SH3GL2: variants seen among roughly 807,000 people sequenced by gnomAD.
The protein encoded by SH3GL2 is endophilin-A1.
In SH3GL2, 24 loss-of-function variants were observed where a neutral mutation model predicts 46.0. The ratio of observed to expected loss-of-function variants is 0.52; its 90% CI spans 0.38 to 0.73. The LOEUF (loss-of-function observed/expected upper bound fraction) is 0.73. SH3GL2 is among the 30% of genes least tolerant of loss of function. The pLI is 0.00. For synonymous variants in SH3GL2, 196 were observed against 147.1 expected, an observed-to-expected ratio of 1.33 and a Z score of -2.40; for missense variants, 413 against 424.2, an observed-to-expected ratio of 0.97 and a Z score of 0.23.
chr9:17,639,910 T>C (rs1819634679), intron 1 of SH3GL2, among the ~76,000 whole-genome samples: 1 of 152,184 alleles, frequency 6.6e-6, no homozygotes, highest in African/African-American at 2.4e-5. Flanking sequence ...TTTCATTATA[T>C]GAAAATTGAA....
chr9:17,660,612 G>C lies in SH3GL2; in HGVS notation c.45+81325G>C, dbSNP rs149630312. Among the ~76,000 whole-genome samples, 99 of 152,256 alleles carry C rather than the reference G, an allele frequency of 6.5e-4. 1 individual carries two copies. The highest frequency in any genetic ancestry group is 2.3e-3 in the African/African-American group (95 of 41,548). The stretch of plus-strand genomic sequence containing the variant: ...TCCAAATGATTTCAGCCCTGAACTA[G>C]AAAGTTCTGTCTCAGTGGGCTGTAT... On this transcript the variant is annotated intron_variant, in intron 1 of 8. Transcript: ENST00000380607.
chr9:17,746,820 T>G (rs1268757350), intron 1 of SH3GL2, among the ~76,000 whole-genome samples: 2 of 152,200 alleles, frequency 1.3e-5, no homozygotes, highest in Non-Finnish European at 2.9e-5. Context: ...GAAGGAGCAC[T>G]GAGGTTGAAA....
intron 1 of SH3GL2, among the ~76,000 whole-genome samples, chr9:17,675,158 G>A (rs147286545): frequency 6.6e-6 from 1 of 152,264 alleles, no homozygotes; most frequent in South Asian, 2.1e-4. Flanking sequence ...AACTTCGTAT[G>A]TCTTATTTCC....
At chr9:17,619,277 T>C (rs944920625) in intron 1 of SH3GL2, among the ~76,000 whole-genome samples, 1 of 152,186 alleles carries the variant, frequency 6.6e-6, no homozygotes, top group African/African-American at 2.4e-5. Context: ...TGTATTTCCT[T>C]ATAGCCTTCT....
intron 3 of SH3GL2, among the ~76,000 whole-genome samples, chr9:17,783,453 A>T (rs1190021091): frequency 6.6e-6 from 1 of 151,432 alleles, no homozygotes; most frequent in Non-Finnish European, 1.5e-5. Context: ...GGTCAGAGGA[A>T]AATAACTCAG....
At chr9:17,657,377 C>G (rs923663222) in intron 1 of SH3GL2, among the ~76,000 whole-genome samples, 1 of 152,170 alleles carries the variant, frequency 6.6e-6, no homozygotes, top group Non-Finnish European at 1.5e-5. Context: ...GGCAGGTTGT[C>G]TTCTAGGTCA....
chr9:17,757,884 A>G (rs1823045574), intron 2 of SH3GL2, among the ~76,000 whole-genome samples: 1 of 152,322 alleles, frequency 6.6e-6, no homozygotes. Flanking sequence ...TGCCAAGTGC[A>G]TAACAAGGCA....
At chr9:17,714,028 G>GT (rs1271080033) in intron 1 of SH3GL2, among the ~76,000 whole-genome samples, 2 of 151,552 alleles carry the variant, frequency 1.3e-5, no homozygotes, top group Non-Finnish European at 3.0e-5. Flanking sequence ...GTATTTCTGT[G>GT]TTTTTGCTTC....
chr9:17,718,706 G>C (rs1205377990), intron 1 of SH3GL2, among the ~76,000 whole-genome samples: 1 of 152,080 alleles, frequency 6.6e-6, no homozygotes, highest in East Asian at 1.9e-4. Context: ...CTCCAGCCTG[G>C]GTGACAGAGT....
chr9:17,692,861 C>T (rs1436697967), intron 1 of SH3GL2, among the ~76,000 whole-genome samples: 3 of 152,086 alleles, frequency 2.0e-5, no homozygotes, highest in Admixed American at 6.5e-5. Context: ...AAAGGCACTT[C>T]TAACATGGTG....
intron 1 of SH3GL2, among the ~76,000 whole-genome samples, chr9:17,650,115 A>G (rs1819919860): frequency 6.6e-6 from 1 of 152,226 alleles, no homozygotes. Flanking sequence ...TCACTTAAGA[A>G]CAGCAGTTGA....
At chr9:17,651,362 T>C (rs1819955271) in intron 1 of SH3GL2, among the ~76,000 whole-genome samples, 1 of 152,198 alleles carries the variant, frequency 6.6e-6, no homozygotes. Flanking sequence ...TCTGCATTTA[T>C]TTAGGGAATT....
chr9:17,593,666 G>A, intron 1 of SH3GL2, among the ~76,000 whole-genome samples: 1 of 152,224 alleles, frequency 6.6e-6, no homozygotes, highest in East Asian at 1.9e-4. Context: ...GCCTGTAATG[G>A]GGTATTTAAT....
chr9:17,625,763 G>C (rs1330290679), intron 1 of SH3GL2, among the ~76,000 whole-genome samples: 2 of 152,120 alleles, frequency 1.3e-5, no homozygotes, highest in African/African-American at 4.8e-5. Flanking sequence ...GGTAGGAGGT[G>C]GGGTAGATTT....
intron 1 of SH3GL2, among the ~76,000 whole-genome samples, chr9:17,626,500 G>A (rs1266609589): frequency 6.6e-6 from 1 of 152,122 alleles, no homozygotes; most frequent in Non-Finnish European, 1.5e-5. Context: ...AAATCTTCAT[G>A]CTCATGGATT....
At position 17,660,410 on chromosome 9, in the gene SH3GL2, A is replaced by C. The variant is rs141941214; in HGVS notation, c.45+81123A>C. Among the ~76,000 whole-genome samples the C allele has an allele frequency of 5.5e-3, 834 of 152,242 alleles. 11 individuals carry two copies. The highest frequency in any genetic ancestry group is 0.019 in the African/African-American group (794 of 41,524). ...CTACAGCGTTCTACCCTGACTGTTCATGCCCATATGTTCTGTAGCTGAGCC... is the reference window on the plus strand; with the variant it reads ...CTACAGCGTTCTACCCTGACTGTTCCTGCCCATATGTTCTGTAGCTGAGCC... On this transcript the variant is annotated intron_variant, in intron 1 of 8. Coordinates refer to ENST00000380607, the MANE Select transcript of SH3GL2 (RefSeq NM_003026.5).
chr9:17,711,705 A>G (rs1410772977), intron 1 of SH3GL2, among the ~76,000 whole-genome samples: 1 of 151,872 alleles, frequency 6.6e-6, no homozygotes, highest in Non-Finnish European at 1.5e-5. Flanking sequence ...TTGTTTATCC[A>G]TAAGCACCTG....
intron 1 of SH3GL2, chr9:17,590,358 A>G (rs1005595626): frequency 6.6e-6 from 1 of 152,168 alleles, no homozygotes; most frequent in Non-Finnish European, 1.5e-5. Context: ...TACTGTAGTT[A>G]AGAGTTTACT....
rs1355359772 is a variant in SH3GL2, at chr9:17,791,268, C to G, written c.662C>G (p.Ala221Gly). The change falls in exon 7 of 9, where the codon GCT (alanine) becomes GGT (glycine). Residue 221 changes from alanine (A) to glycine (G), a missense_variant. Coordinates refer to ENST00000380607, the MANE Select transcript of SH3GL2 (RefSeq NM_003026.5). Reference sequence around the variant, plus strand: ...AGCCAGCTCTCTGCACTTGTGCAAGCTCAGCTGGAGTACCACAAGCAGGCA... The same window carrying G: ...AGCCAGCTCTCTGCACTTGTGCAAGGTCAGCTGGAGTACCACAAGCAGGCA... ...QVSQLSALVQ[A>G]QLEYHKQAVQ... The G allele has an allele frequency of 6.2e-7, 1 of 1,613,572 alleles. No individual in the cohort carries two copies. Among genetic ancestry groups the G allele is most frequent in the Non-Finnish European group, 8.5e-7 (1 of 1,179,682 alleles).
Sources: allele counts gnomAD v4.1 joint callset (sites outside exome capture counted in the v4.1 genomes callset), GRCh38; gene constraint gnomAD v4.1.1; transcripts MANE v1.5; gene names NCBI Gene and HGNC (gene_info 2026-07-23, HGNC 2026-07-21).